COL27A1: variants seen among roughly 807,000 people sequenced by gnomAD.
COL27A1 encodes collagen alpha-1(XXVII) chain.
A neutral mutation model predicts 251.3 loss-of-function variants in COL27A1; 106 were observed. The ratio of observed to expected loss-of-function variants is 0.42; its 90% CI spans 0.36 to 0.50. The LOEUF (loss-of-function observed/expected upper bound fraction) is 0.50. COL27A1 is among the 20% of genes least tolerant of loss of function. The pLI is 0.00. For missense variants in COL27A1, 2,325 were observed against 2,522.8 expected, an observed-to-expected ratio of 0.92 and a Z score of 1.68; for synonymous variants, 1,000 against 986.3, an observed-to-expected ratio of 1.01 and a Z score of -0.26.
rs1849150741 is a variant in COL27A1 at position 114,169,394 on chromosome 9, C to T, written c.1839C>T (p.His613=). ...CGAGCAGTGGCTATTCGATCTTCCACCTGGCAGGATCTACGCCTTTCCCTC... is the reference window on the plus strand; with the variant it reads ...CGAGCAGTGGCTATTCGATCTTCCATCTGGCAGGATCTACGCCTTTCCCTC... ...RPTSSGYSIF[H]LAGSTPFPLL... Residue 613 remains histidine (H), a synonymous_variant, in exon 3 of 61, where the codon CAC becomes CAT. Coordinates refer to ENST00000356083, the MANE Select transcript of COL27A1 (RefSeq NM_032888.4). 6.2e-7 allele frequency: 1 copy of T among 1,607,656 alleles called. No individual in the cohort carries two copies.
chr9:114,284,746 C>G lies in COL27A1; in HGVS notation c.3956C>G (p.Pro1319Arg). Residue 1319 changes from proline to arginine, a missense_variant, in exon 41 of 61, where the codon CCC becomes CGC. Physicochemically the swap from Pro to Arg is moderately radical, Grantham distance 103. Transcript: ENST00000356083. Reference protein sequence around the residue: ...GYDGHKGIVGPLGPPGPKGEK... With the variant: ...GYDGHKGIVGRLGPPGPKGEK... The stretch of plus-strand genomic sequence containing the variant: ...CAGGGACACAAAGGCATTGTGGGAC[C>G]CCTTGGACCTCCTGGACCAAAAGGC... 2 of 1,614,204 alleles carry G rather than the reference C, an allele frequency of 1.2e-6. No individual in the cohort carries two copies.
chr9:114,183,477 C>T lies in COL27A1; in HGVS notation c.2016+402C>T, dbSNP rs982608949. 6.6e-5 allele frequency among the ~76,000 whole-genome samples: 10 copies of T among 151,944 alleles called. No individual in the cohort carries two copies. The South Asian group carries it at 8.3e-4, about 13-fold the overall frequency. On this transcript the variant is annotated intron_variant, in intron 5 of 60. Coordinates refer to ENST00000356083, the MANE Select transcript of COL27A1 (RefSeq NM_032888.4). ...CTGGATGCCCTGAGGAGGATGAATG[C>T]GGGGTGGGGAACCAGAGCCAAGGCC... is the stretch of plus-strand genomic sequence containing the variant.
chr9:114,249,959 CGCT>C (rs1564522968), intron 24 of COL27A1, among the ~76,000 whole-genome samples: 1 of 152,186 alleles, frequency 6.6e-6, no homozygotes, highest in Non-Finnish European at 1.5e-5. Context: ...TGTCCACCCT[CGCT>C]GCGCGTGTGC....
At chr9:114,301,360 G>A (rs779640433) in intron 53 of COL27A1, 41 bp downstream of exon 53, 1 of 1,612,538 alleles carries the variant, frequency 6.2e-7, no homozygotes, top group South Asian at 1.1e-5. Context: ...AGCACTGCAG[G>A]GGCGGGGGAG....
At chr9:114,218,982 G>GA (rs1830902097) in intron 12 of COL27A1, among the ~76,000 whole-genome samples, 1 of 150,854 alleles carries the variant, frequency 6.6e-6, no homozygotes, top group Admixed American at 6.6e-5. Flanking sequence ...CATTTCCCTG[G>GA]AAAAACAATG....
rs1001990972 is a variant in COL27A1 at position 114,302,196 on chromosome 9, G to A, written c.4872+88G>A. The A allele has an allele frequency of 3.4e-5, 39 of 1,143,258 alleles. No homozygotes were observed. In the African/African-American group the frequency reaches 4.6e-4, roughly 13 times the overall value. 70.8% of individuals were successfully genotyped at this position (1,143,258 alleles called of 1,614,324 possible). A position where few individuals can be genotyped will look rare whatever the true frequency, so the allele number is the denominator to read the frequency against. On this transcript the variant is annotated intron_variant, in intron 56 of 60. Transcript: ENST00000356083. ...GCTGCTGGCCCTCTCTGGCCCTGGT[G>A]GCTAGAGCCCTAAGCTGGGTCTAGG...
chr9:114,308,225 A>G (rs1829194871), intron 59 of COL27A1, among the ~76,000 whole-genome samples: 1 of 152,252 alleles, frequency 6.6e-6, no homozygotes, highest in East Asian at 1.9e-4. Context: ...TAGGTGGTAC[A>G]GGGCCACTCA....
intron 39 of COL27A1, 49 bp from the exon 40 acceptor site, chr9:114,283,660 C>T (rs377623928): frequency 5.7e-6 from 9 of 1,566,858 alleles, no homozygotes; most frequent in East Asian, 4.5e-5. Context: ...GCTGTGTCCC[C>T]GCTGTGAGAG....
At position 114,300,622 on chromosome 9, in the gene COL27A1, C is replaced by T. The variant is rs1828550753; in HGVS notation, c.4639-3C>T. ...CAGACAGCCCTTTCTCTGCCTCCCACAGGGCCCGCCTGGAGACATTGGCTT... is the reference window on the plus strand; with the variant it reads ...CAGACAGCCCTTTCTCTGCCTCCCATAGGGCCCGCCTGGAGACATTGGCTT... On this transcript the variant is annotated splice_region_variant and splice_polypyrimidine_tract_variant and intron_variant, in intron 50 of 60. Transcript: ENST00000356083. 1 of 1,535,908 alleles carries T rather than the reference C, an allele frequency of 6.5e-7. No individual in the cohort carries two copies. Among genetic ancestry groups the T allele is most frequent in the South Asian group, 1.3e-5 (1 of 79,612 alleles).
At chr9:114,200,583 T>G (rs894874851) in intron 7 of COL27A1, among the ~76,000 whole-genome samples, 6 of 152,100 alleles carry the variant, frequency 3.9e-5, no homozygotes, top group African/African-American at 1.4e-4. Context: ...CGGAGCAGAG[T>G]TGGGTGTCAG....
intron 41 of COL27A1, among the ~76,000 whole-genome samples, chr9:114,286,695 A>C (rs1313726889): frequency 6.6e-6 from 1 of 152,200 alleles, no homozygotes; most frequent in Non-Finnish European, 1.5e-5. Context: ...TACATATGTA[A>C]CAAACCTGCA....
At chr9:114,240,655 C>A (rs1470868584) in intron 21 of COL27A1, among the ~76,000 whole-genome samples, 168 bp downstream of exon 21, 1 of 152,212 alleles carries the variant, frequency 6.6e-6, no homozygotes, top group Non-Finnish European at 1.5e-5. Flanking sequence ...CAGCCCTGCC[C>A]CGTGCCCCTT....
chr9:114,289,364 C>T, intron 45 of COL27A1, 69 bp downstream of exon 45: 1 of 1,442,950 alleles, frequency 6.9e-7, no homozygotes, highest in South Asian at 1.3e-5. Flanking sequence ...CACAGTCACA[C>T]AGCAAACCAA....
chr9:114,163,673 G>A (rs1358494424), intron 2 of COL27A1, among the ~76,000 whole-genome samples: 5 of 152,220 alleles, frequency 3.3e-5, no homozygotes, highest in African/African-American at 9.6e-5. Flanking sequence ...CCGGCACGCC[G>A]GGAGTCCCTG....
At chr9:114,221,769 G>A (rs931912827) in intron 13 of COL27A1, among the ~76,000 whole-genome samples, 4 of 152,212 alleles carry the variant, frequency 2.6e-5, no homozygotes, top group Admixed American at 6.5e-5. Context: ...AGCACCTCCC[G>A]GCTGAGAAAG....
At chr9:114,253,621 T>C (rs1047947271) in intron 27 of COL27A1, among the ~76,000 whole-genome samples, 2 of 152,194 alleles carry the variant, frequency 1.3e-5, no homozygotes, top group African/African-American at 4.8e-5. Context: ...ACTTTCTGAC[T>C]ATAATCCTGG....
chr9:114,251,116 C>A (rs1343831067), intron 25 of COL27A1, among the ~76,000 whole-genome samples: 3 of 152,136 alleles, frequency 2.0e-5, no homozygotes, highest in Non-Finnish European at 2.9e-5. Context: ...AGATTTGAAC[C>A]AGGTTCATTG....
rs565150903 is a variant in COL27A1, at chr9:114,199,488, G to A, written c.2124+3476G>A. Among the ~76,000 whole-genome samples, 717 of 151,612 alleles carry A rather than the reference G, an allele frequency of 4.7e-3. 8 individuals are homozygous for A. Among genetic ancestry groups the A allele is most frequent in the South Asian group, 6.3e-3 (30 of 4,774 alleles). The stretch of plus-strand genomic sequence containing the variant: ...AGAAACCCTGGCCCCATCCAATCCC[G>A]TGTACCCTGGGCCTTCCTGCCTCCC... On this transcript the variant is annotated intron_variant, in intron 7 of 60. Coordinates refer to ENST00000356083, the MANE Select transcript of COL27A1 (RefSeq NM_032888.4).
chr9:114,196,496 G>A (rs1489355660), intron 7 of COL27A1, among the ~76,000 whole-genome samples: 1 of 152,196 alleles, frequency 6.6e-6, no homozygotes, highest in Admixed American at 6.5e-5. Context: ...GGCCTGGAGC[G>A]GAGAAGTTGA....
Sources: allele counts gnomAD v4.1 joint callset (sites outside exome capture counted in the v4.1 genomes callset), GRCh38; gene constraint gnomAD v4.1.1; transcripts MANE v1.5; gene names NCBI Gene and HGNC (gene_info 2026-07-23, HGNC 2026-07-21).